The following APOBEC2 variants were observed in gnomAD, a reference collection of about 807,000 sequenced individuals.
The protein encoded by APOBEC2 is C->U-editing enzyme APOBEC-2.
APOBEC2 carries 14 observed loss-of-function variants against 19.4 expected under a neutral mutation model. That is an observed-to-expected ratio of 0.72 (90% CI 0.48 to 1.13). The LOEUF is 1.13. Ranked by LOEUF, APOBEC2 falls within the 50% of genes most tolerant of loss-of-function variation. APOBEC2 has a pLI of 0.00. For missense variants in APOBEC2, 304 were observed against 277.0 expected (o/e 1.10, Z -0.69); for synonymous variants, 127 against 112.1 (o/e 1.13, Z -0.84).
chr6:41,058,078 G>C lies in APOBEC2; in HGVS notation c.132-3250G>C, dbSNP rs150147881. Among the ~76,000 whole-genome samples the C allele has an allele frequency of 3.4e-3, 509 of 151,922 alleles. 2 individuals carry two copies. Among genetic ancestry groups the C allele is most frequent in the African/African-American group, 0.012 (483 of 41,390 alleles). ...GCTGTAGGTTTCTACGCATGAGGAA[G>C]TGACTGGATCAGGGAAAGAAATCTA... On this transcript the variant is annotated intron_variant, in intron 1 of 2. Coordinates refer to ENST00000244669, the MANE Select transcript of APOBEC2 (RefSeq NM_006789.4).
At chr6:41,053,580 T>C in intron 1 of APOBEC2, 102 bp downstream of exon 1, 1 of 1,533,152 alleles carries the variant, frequency 6.5e-7, no homozygotes. Flanking sequence ...CAGGGACAGC[T>C]ACAACCCTGC....
chr6:41,061,202 G>C, intron 1 of APOBEC2, 126 bp from the exon 2 acceptor site: 3 of 276,482 alleles, frequency 1.1e-5, no homozygotes, highest in Non-Finnish European at 1.2e-5. Flanking sequence ...CCACAGACAA[G>C]ACCTATTTAT....
At chr6:41,059,264 C>T (rs2114028670) in intron 1 of APOBEC2, among the ~76,000 whole-genome samples, 1 of 152,312 alleles carries the variant, frequency 6.6e-6, no homozygotes, top group South Asian at 2.1e-4. Flanking sequence ...TGAATACTTG[C>T]CAGGGTTCCA....
At position 41,064,123 on chromosome 6, in the gene APOBEC2, A is replaced by T. The variant is rs1762920698; in HGVS notation, c.*44A>T. ...AAGGTATTCCTGCTGCCACCAAGAGACAGCAATGACATGTACAGCCATCTG... is the reference window on the plus strand; with the variant it reads ...AAGGTATTCCTGCTGCCACCAAGAGTCAGCAATGACATGTACAGCCATCTG... On this transcript the variant is annotated 3_prime_UTR_variant, in exon 3 of 3. Coordinates refer to ENST00000244669, the MANE Select transcript of APOBEC2 (RefSeq NM_006789.4). The T allele has an allele frequency of 6.6e-6, 1 of 152,544 alleles. No homozygotes were observed. The highest frequency in any genetic ancestry group is 1.5e-5 in the Non-Finnish European group (1 of 68,028). 9.4% of individuals were successfully genotyped at this position (152,544 alleles called of 1,614,324 possible).
intron 1 of APOBEC2, among the ~76,000 whole-genome samples, chr6:41,057,654 G>C (rs1762812339): frequency 6.6e-6 from 1 of 152,172 alleles, no homozygotes; most frequent in African/African-American, 2.4e-5. Context: ...TCTAGTGAGG[G>C]AAAGCTGAAA....
intron 1 of APOBEC2, among the ~76,000 whole-genome samples, chr6:41,059,123 G>T (rs962827267): frequency 9.9e-5 from 15 of 152,176 alleles, no homozygotes; most frequent in African/African-American, 3.6e-4. Context: ...AAGCCAATTT[G>T]CAATTGCATG....
At chr6:41,058,969 C>T (rs1762838765) in intron 1 of APOBEC2, among the ~76,000 whole-genome samples, 1 of 152,112 alleles carries the variant, frequency 6.6e-6, no homozygotes, top group Admixed American at 6.6e-5. Flanking sequence ...GTTGGAAACC[C>T]GTATTTATAG....
chr6:41,058,543 G>C (rs941558354), intron 1 of APOBEC2, among the ~76,000 whole-genome samples: 5 of 152,152 alleles, frequency 3.3e-5, no homozygotes, highest in African/African-American at 1.2e-4. Flanking sequence ...AAAACTGCTG[G>C]TGATGATTTA....
Position 41,064,730 on chromosome 6 carries a change from G to A in APOBEC2, c.*651G>A, listed in dbSNP as rs746211342. On this transcript the variant is annotated 3_prime_UTR_variant, in exon 3 of 3. Coordinates refer to ENST00000244669, the MANE Select transcript of APOBEC2 (RefSeq NM_006789.4). ...GAAGGCAAGTAATAGGGCAGAAGGT[G>A]GAACAAAAAGCATGAGAAATCTAAG... The A allele has an allele frequency of 2.6e-5, 4 of 152,092 alleles. No homozygotes were observed. Among genetic ancestry groups the A allele is most frequent in the African/African-American group, 4.8e-5 (2 of 41,420 alleles). 9.4% of individuals were successfully genotyped at this position (152,092 alleles called of 1,614,324 possible). A position where few individuals can be genotyped will look rare whatever the true frequency, so the allele number is the denominator to read the frequency against.
intron 1 of APOBEC2, among the ~76,000 whole-genome samples, chr6:41,055,082 G>T (rs1437422444): frequency 1.3e-5 from 2 of 152,310 alleles, no homozygotes; most frequent in African/African-American, 4.8e-5. Flanking sequence ...AGGAGAGGGA[G>T]ATATATTATT....
chr6:41,055,168 C>T (rs988650379), intron 1 of APOBEC2, among the ~76,000 whole-genome samples: 4 of 152,200 alleles, frequency 2.6e-5, no homozygotes, highest in African/African-American at 9.7e-5. Context: ...TGGTAGGTGG[C>T]ACATCTTCTT....
At position 41,053,341 on chromosome 6, in the gene APOBEC2, C is replaced by A. The variant is rs1762754497; in HGVS notation, c.-7C>A. The A allele has an allele frequency of 6.2e-7, 1 of 1,612,106 alleles. No individual in the cohort carries two copies. ...TCCCTCAGTGACTCCTGAGCCACAG[C>A]CCCTCCATGGCCCAGAAGGAAGAGG... On this transcript the variant is annotated 5_prime_UTR_variant, in exon 1 of 3. Transcript: ENST00000244669.
intron 1 of APOBEC2, among the ~76,000 whole-genome samples, chr6:41,055,756 A>G (rs1762787343): frequency 6.6e-6 from 1 of 152,240 alleles, no homozygotes; most frequent in African/African-American, 2.4e-5. Context: ...CATTAACAAA[A>G]TAACATGGTA....
In APOBEC2 at chr6:41,064,842, T is replaced by C. The variant is rs779116524; in HGVS notation, c.*763T>C. The C allele has an allele frequency of 6.6e-6, 1 of 152,068 alleles. No individual in the cohort carries two copies. Among genetic ancestry groups the C allele is most frequent in the African/African-American group, 2.4e-5 (1 of 41,398 alleles). The allele number at this position is 152,068 out of a possible 1,614,324, so 9.4% of individuals were successfully genotyped here. ...GAAAAGTAGTAGTTTAATGTTCAGA[T>C]ATACAATCATTTAAAAGTATTCAAT... On this transcript the variant is annotated 3_prime_UTR_variant, in exon 3 of 3. Coordinates refer to ENST00000244669, the MANE Select transcript of APOBEC2 (RefSeq NM_006789.4).
chr6:41,058,861 T>C (rs963148758), intron 1 of APOBEC2, among the ~76,000 whole-genome samples: 1 of 152,188 alleles, frequency 6.6e-6, no homozygotes, highest in Non-Finnish European at 1.5e-5. Flanking sequence ...CTTCCCTGCC[T>C]TTCCTTTGCT....
At chr6:41,059,903 G>A (rs529362565) in intron 1 of APOBEC2, among the ~76,000 whole-genome samples, 5 of 152,314 alleles carry the variant, frequency 3.3e-5, no homozygotes, top group African/African-American at 1.2e-4. Context: ...TGGTGCCATA[G>A]GTATCTCTTG....
In APOBEC2 at chr6:41,053,478, G is replaced by C. The variant is rs2114024432; in HGVS notation, c.131G>C (p.Gly44Ala). Reference protein sequence around the residue: ...IELPPFEIVTGERLPANFFKF... With the variant: ...IELPPFEIVTAERLPANFFKF... ...CTGCCGCCCTTTGAGATTGTCACAG[G>C]GTAAGCCTCAGATGTGGGTCAGGGT... Residue 44 changes from glycine to alanine, a missense_variant and splice_region_variant, in exon 1 of 3, where the codon GGA (glycine) becomes GCA (alanine). Coordinates refer to ENST00000244669, the MANE Select transcript of APOBEC2 (RefSeq NM_006789.4). 3 of 1,614,182 alleles carry C rather than the reference G, an allele frequency of 1.9e-6. No homozygotes were observed. In the African/African-American group the frequency reaches 4.0e-5, roughly 22 times the overall value.
intron 2 of APOBEC2, 48 bp downstream of exon 2, chr6:41,061,940 C>A: frequency 6.7e-7 from 1 of 1,493,252 alleles, no homozygotes; most frequent in Non-Finnish European, 9.0e-7. Flanking sequence ...ATGTTAACTC[C>A]AGTAGAAGGT....
At chr6:41,057,487 G>A (rs1037676150) in intron 1 of APOBEC2, among the ~76,000 whole-genome samples, 2 of 152,154 alleles carry the variant, frequency 1.3e-5, no homozygotes, top group Non-Finnish European at 2.9e-5. Context: ...TCCCTTCTCA[G>A]CTCTAGGGAG....
Sources: gnomAD v4.1 joint callset for allele counts (sites outside exome capture counted in the v4.1 genomes callset) on GRCh38, gnomAD v4.1.1 for gene constraint, MANE v1.5 for transcripts, NCBI Gene and HGNC (gene_info 2026-07-23, HGNC 2026-07-21) for gene names.